Variants in IL1RAPL1 observed in about 807,000 individuals in gnomAD.
The protein encoded by IL1RAPL1 is interleukin 1 receptor accessory protein like 1, also known as interleukin-1 receptor accessory protein-like 1.
In IL1RAPL1, 3 loss-of-function variants were observed where a neutral mutation model predicts 48.4. The ratio of observed to expected loss-of-function variants is 0.06; its 90% CI spans 0.03 to 0.16. IL1RAPL1 has a LOEUF of 0.16. Among genes scored for constraint, IL1RAPL1 ranks in the 10% least tolerant of loss-of-function variants. IL1RAPL1 has a pLI of 1.00. For missense variants in IL1RAPL1, 349 were observed against 530.6 expected (o/e 0.66, Z 3.36); for synonymous variants, 185 against 187.7 (o/e 0.99, Z 0.12).
intron 3 of IL1RAPL1, among the ~76,000 whole-genome samples, chrX:29,378,353 T>G (rs1387783735): frequency 8.9e-6 from 1 of 111,735 alleles, no homozygotes; most frequent in Non-Finnish European, 1.9e-5. Flanking sequence ...AGCCAGGTTC[T>G]GAATTTTATG....
chrX:29,294,034 A>C (rs1189411802), intron 3 of IL1RAPL1, among the ~76,000 whole-genome samples: 1 of 108,687 alleles, frequency 9.2e-6, no homozygotes, highest in Non-Finnish European at 1.9e-5. Flanking sequence ...TGTGGTCCTA[A>C]AGTAAAAAAA....
At chrX:29,863,349 G>A (rs1217112646) in intron 6 of IL1RAPL1, among the ~76,000 whole-genome samples, 3 of 111,762 alleles carry the variant, frequency 2.7e-5, no homozygotes, top group African/African-American at 6.5e-5. Context: ...ATTAGAAAGC[G>A]ACCATGTTCC....
intron 3 of IL1RAPL1, among the ~76,000 whole-genome samples, chrX:29,347,290 A>G (rs1031610531): frequency 9.0e-6 from 1 of 111,194 alleles, no homozygotes; most frequent in African/African-American, 3.3e-5. Context: ...ACTAGCATGC[A>G]TTTCTTTTTC....
intron 3 of IL1RAPL1, among the ~76,000 whole-genome samples, chrX:29,332,095 CTTTTT>C (rs72360733): frequency 3.2e-4 from 9 of 27,890 alleles, no homozygotes; most frequent in African/African-American, 4.3e-4. Context: ...ATTCTAAGGT[CTTTTT>C]TTTTTTTTTT....
chrX:29,894,306 CAGATG>C (rs1932331197), intron 6 of IL1RAPL1, among the ~76,000 whole-genome samples: 1 of 112,082 alleles, frequency 8.9e-6, no homozygotes, highest in Admixed American at 9.5e-5. Flanking sequence ...GTTGAAAATT[CAGATG>C]AGATGACCAG....
At chrX:28,660,435 A>G (rs1934809464) in intron 1 of IL1RAPL1, among the ~76,000 whole-genome samples, 1 of 111,206 alleles carries the variant, frequency 9.0e-6, no homozygotes, top group African/African-American at 3.3e-5. Flanking sequence ...TCCCCAAAAT[A>G]GAAAAAGCCA....
At chrX:29,483,946 G>C (rs1935068320) in intron 5 of IL1RAPL1, among the ~76,000 whole-genome samples, 1 of 106,620 alleles carries the variant, frequency 9.4e-6, no homozygotes, top group Non-Finnish European at 1.9e-5. Flanking sequence ...ACCCGCTTTG[G>C]CTTCCCAAAG....
chrX:29,908,980 A>AACAATAATAAT (rs1932706958), intron 6 of IL1RAPL1, among the ~76,000 whole-genome samples: 1 of 111,919 alleles, frequency 8.9e-6, no homozygotes. Context: ...TATAAACTTT[A>AACAATAATAAT]ACAATAATAA....
At chrX:29,506,114 G>A (rs1334271221) in intron 5 of IL1RAPL1, among the ~76,000 whole-genome samples, 1 of 111,813 alleles carries the variant, frequency 8.9e-6, no homozygotes, top group Non-Finnish European at 1.9e-5. Context: ...TTTCTAATAA[G>A]TTTCTGAATT....
chrX:29,308,586 A>G (rs999019627), intron 3 of IL1RAPL1, among the ~76,000 whole-genome samples: 1 of 112,454 alleles, frequency 8.9e-6, no homozygotes, highest in African/African-American at 3.2e-5. Flanking sequence ...AGAAGATACC[A>G]AACCTTTAGG....
intron 2 of IL1RAPL1, among the ~76,000 whole-genome samples, chrX:28,918,125 C>T (rs2147335769): frequency 8.9e-6 from 1 of 112,358 alleles, no homozygotes; most frequent in Non-Finnish European, 1.9e-5. Context: ...GTCAATTTGA[C>T]AAGCTGTCAC....
intron 5 of IL1RAPL1, among the ~76,000 whole-genome samples, chrX:29,505,732 G>A (rs746501567): frequency 6.3e-5 from 7 of 111,059 alleles, no homozygotes; most frequent in African/African-American, 2.3e-4. Flanking sequence ...TATTTGGGTC[G>A]AATGTATTTT....
intron 1 of IL1RAPL1, among the ~76,000 whole-genome samples, chrX:28,716,135 TC>T (rs1935501684): frequency 9.0e-6 from 1 of 111,579 alleles, no homozygotes; most frequent in Non-Finnish European, 1.9e-5. Context: ...AAATTCAACA[TC>T]CCTTCGTGTT....
intron 1 of IL1RAPL1, among the ~76,000 whole-genome samples, chrX:28,756,251 G>C (rs1936103503): frequency 9.0e-6 from 1 of 111,159 alleles, no homozygotes; most frequent in South Asian, 3.8e-4. Context: ...TTGCATGCTG[G>C]CTCTTGAAGA....
intron 2 of IL1RAPL1, among the ~76,000 whole-genome samples, chrX:29,093,528 G>C (rs779597019): frequency 1.8e-5 from 2 of 111,589 alleles, no homozygotes; most frequent in Non-Finnish European, 3.8e-5. Context: ...GTTATTGGTA[G>C]TTGTTTGTGG....
intron 5 of IL1RAPL1, among the ~76,000 whole-genome samples, chrX:29,409,848 G>A: frequency 1.1e-5 from 1 of 93,590 alleles, no homozygotes; most frequent in Admixed American, 1.3e-4. Context: ...TTGAGATGGA[G>A]TTTCACTCTT....
chrX:29,535,745 A>C (rs908067043), intron 5 of IL1RAPL1, among the ~76,000 whole-genome samples: 3 of 112,239 alleles, frequency 2.7e-5, no homozygotes, highest in Non-Finnish European at 5.6e-5. Flanking sequence ...GAGTGATAGT[A>C]TCAAGGTAAA....
intron 2 of IL1RAPL1, among the ~76,000 whole-genome samples, chrX:29,070,313 G>A (rs225032): frequency 0.34 from 37,338 of 110,538 alleles, 5,834 homozygotes; most frequent in Non-Finnish European, 0.48. Context: ...TTAGCGAGCC[G>A]TCATTTGTCT....
At chrX:29,587,197 T>A (rs747245638) in intron 5 of IL1RAPL1, among the ~76,000 whole-genome samples, 1 of 111,248 alleles carries the variant, frequency 9.0e-6, no homozygotes, top group South Asian at 3.8e-4. Flanking sequence ...GAAACTCAGT[T>A]TTGAGTGCCA....
Sources: allele counts gnomAD v4.1 joint callset (sites outside exome capture counted in the v4.1 genomes callset), GRCh38; gene constraint gnomAD v4.1.1; transcripts MANE v1.5; gene names NCBI Gene and HGNC (gene_info 2026-07-23, HGNC 2026-07-21).